RBFOX1: variants seen among roughly 807,000 people sequenced by gnomAD.
RBFOX1 encodes RNA binding fox-1 homolog 1, also known as RNA binding protein fox-1 homolog 1.
Under a neutral mutation model 57.7 loss-of-function variants are expected in RBFOX1, and 8 were observed. The ratio of observed to expected loss-of-function variants is 0.14; its 90% CI spans 0.08 to 0.25. RBFOX1 has a LOEUF of 0.25. RBFOX1 is among the 10% of genes least tolerant of loss of function. RBFOX1 has a pLI of 1.00. For synonymous variants in RBFOX1, 326 were observed against 222.4 expected, an observed-to-expected ratio of 1.47 and a Z score of -4.15; for missense variants, 611 against 548.5, an observed-to-expected ratio of 1.11 and a Z score of -1.14.
intron 3 of RBFOX1, among the ~76,000 whole-genome samples, chr16:5,667,104 T>G (rs2049871704): frequency 6.6e-6 from 1 of 152,232 alleles, no homozygotes; most frequent in Non-Finnish European, 1.5e-5. Context: ...CTATTATTTA[T>G]AAAGTAAAGT....
intron 2 of RBFOX1, among the ~76,000 whole-genome samples, chr16:6,515,384 C>T (rs768059880): frequency 5.9e-5 from 9 of 152,178 alleles, no homozygotes; most frequent in African/African-American, 1.7e-4. Context: ...TTGAGCATTA[C>T]GTAAAACCAA....
At chr16:5,850,152 C>G (rs771816197) in intron 3 of RBFOX1, among the ~76,000 whole-genome samples, 1 of 152,098 alleles carries the variant, frequency 6.6e-6, no homozygotes, top group Non-Finnish European at 1.5e-5. Context: ...AAAGGAACTT[C>G]CAATTAACTG....
chr16:7,137,059 A>G (rs909016196), intron 4 of RBFOX1, among the ~76,000 whole-genome samples: 13 of 152,304 alleles, frequency 8.5e-5, no homozygotes, highest in Middle Eastern at 3.4e-3. Flanking sequence ...ACCAAACACT[A>G]TTATTATTTC....
chr16:6,266,053 A>G (rs1173662302), intron 1 of RBFOX1, among the ~76,000 whole-genome samples: 1 of 152,144 alleles, frequency 6.6e-6, no homozygotes, highest in African/African-American at 2.4e-5. Flanking sequence ...ATGGCCATAC[A>G]TCTTACTTCA....
intron 13 of RBFOX1, among the ~76,000 whole-genome samples, chr16:7,666,102 A>C (rs2069173474): frequency 1.3e-5 from 2 of 152,066 alleles, no homozygotes; most frequent in South Asian, 4.1e-4. Flanking sequence ...TTTCTGTCTC[A>C]TGTCCTCTTT....
chr16:5,333,379 A>G (rs2064810550), intron 1 of RBFOX1, among the ~76,000 whole-genome samples: 1 of 152,174 alleles, frequency 6.6e-6, no homozygotes, highest in Non-Finnish European at 1.5e-5. Flanking sequence ...AGACAATGGC[A>G]GAGTTGAGTA....
chr16:5,987,731 A>T (rs934343943), intron 4 of RBFOX1, among the ~76,000 whole-genome samples: 26 of 152,154 alleles, frequency 1.7e-4, no homozygotes, highest in African/African-American at 6.0e-4. Context: ...CTTTTTTAAA[A>T]GTTATGTTTA....
At chr16:7,149,316 C>T (rs980805819) in intron 4 of RBFOX1, among the ~76,000 whole-genome samples, 20 of 152,006 alleles carry the variant, frequency 1.3e-4, no homozygotes, top group African/African-American at 4.6e-4. Flanking sequence ...ACTCAGGATG[C>T]AGGGTAAAGA....
intron 4 of RBFOX1, among the ~76,000 whole-genome samples, chr16:7,432,107 GC>G (rs530471622): frequency 6.6e-6 from 1 of 152,294 alleles, no homozygotes; most frequent in South Asian, 2.1e-4. Flanking sequence ...CCCACAGGAT[GC>G]CCCCACACTG....
chr16:6,560,940 C>T (rs2097171723), intron 2 of RBFOX1, among the ~76,000 whole-genome samples: 1 of 152,124 alleles, frequency 6.6e-6, no homozygotes, highest in Non-Finnish European at 1.5e-5. Flanking sequence ...TGGCATTCAT[C>T]CCTCAGAGGC....
chr16:7,077,568 T>C (rs1441392395), intron 4 of RBFOX1, among the ~76,000 whole-genome samples: 3 of 152,234 alleles, frequency 2.0e-5, no homozygotes, highest in Admixed American at 1.3e-4. Context: ...AGTACAATGA[T>C]GAAATTTGCT....
chr16:6,047,959 G>A lies in RBFOX1; in HGVS notation c.-127+27967G>A, dbSNP rs551164512. ...GCAGTGACATGTCTGCATGTTGGAGGCACATTTTGCTACGTTATCAAGGAA... is the reference window on the plus strand; with the variant it reads ...GCAGTGACATGTCTGCATGTTGGAGACACATTTTGCTACGTTATCAAGGAA... On this transcript the variant is annotated intron_variant, in intron 1 of 15. Coordinates refer to ENST00000550418, the MANE Select transcript of RBFOX1 (RefSeq NM_018723.4). 2.0e-5 allele frequency among the ~76,000 whole-genome samples: 3 copies of A among 152,278 alleles called. No individual in the cohort carries two copies. In the South Asian group the frequency reaches 6.2e-4, roughly 32 times the overall value.
chr16:5,304,344 A>C (rs1184813970), intron 1 of RBFOX1, among the ~76,000 whole-genome samples: 1 of 152,214 alleles, frequency 6.6e-6, no homozygotes, highest in African/African-American at 2.4e-5. Flanking sequence ...AGTCCTGTAG[A>C]AGGGTGTTCT....
intron 3 of RBFOX1, among the ~76,000 whole-genome samples, chr16:6,848,361 T>C (rs1170773761): frequency 2.0e-5 from 3 of 152,158 alleles, no homozygotes; most frequent in Admixed American, 2.0e-4. Context: ...GAGTGAAATT[T>C]ATAGTTTTTG....
chr16:5,353,332 C>T (rs1404151694), intron 1 of RBFOX1, among the ~76,000 whole-genome samples: 1 of 147,704 alleles, frequency 6.8e-6, no homozygotes, highest in Non-Finnish European at 1.5e-5. Flanking sequence ...GAGGCAAGAT[C>T]ATGCCACTGC....
intron 3 of RBFOX1, among the ~76,000 whole-genome samples, chr16:6,817,661 C>G (rs1361552139): frequency 6.6e-6 from 1 of 151,628 alleles, no homozygotes; most frequent in East Asian, 1.9e-4. Context: ...TGAGATTGCA[C>G]CACTGCACTC....
intron 1 of RBFOX1, among the ~76,000 whole-genome samples, chr16:5,349,695 G>A (rs1286023826): frequency 2.1e-4 from 32 of 152,092 alleles, no homozygotes. Context: ...AACTTGTCAA[G>A]AGAGTACATT....
At chr16:5,710,150 A>C (rs1026058636) in intron 3 of RBFOX1, among the ~76,000 whole-genome samples, 11 of 151,840 alleles carry the variant, frequency 7.2e-5, no homozygotes, top group African/African-American at 2.2e-4. Flanking sequence ...CGAAATTCCT[A>C]CTCAGAGCCA....
chr16:6,074,049 T>G (rs1201784975), intron 1 of RBFOX1, among the ~76,000 whole-genome samples: 2 of 152,030 alleles, frequency 1.3e-5, no homozygotes, highest in Non-Finnish European at 2.9e-5. Flanking sequence ...CCTGGGTCCC[T>G]GCCATTCTCC....
Sources: allele counts gnomAD v4.1 joint callset (sites outside exome capture counted in the v4.1 genomes callset), GRCh38; gene constraint gnomAD v4.1.1; transcripts MANE v1.5; gene names NCBI Gene and HGNC (gene_info 2026-07-23, HGNC 2026-07-21).